PKP2: variants seen among roughly 807,000 people sequenced by gnomAD.
The protein encoded by PKP2 is plakophilin-2.
Under a neutral mutation model 83.4 loss-of-function variants are expected in PKP2, and 73 were observed. The observed-to-expected ratio is 0.88, with a 90% CI of 0.72 to 1.06. The LOEUF (loss-of-function observed/expected upper bound fraction) is 1.06. Ranked by LOEUF, PKP2 falls within the 50% of genes least tolerant of loss-of-function variation. The pLI is 0.00. For synonymous variants in PKP2, 409 were observed against 430.4 expected (o/e 0.95, Z 0.62); for missense variants, 966 against 1,065.4 (o/e 0.91, Z 1.30).
intron 4 of PKP2, among the ~76,000 whole-genome samples, chr12:32,855,794 A>AAAAAAAAAAAAAAAAAAAAAG (rs1459718298): frequency 3.4e-5 from 5 of 148,290 alleles, no homozygotes; most frequent in African/African-American, 1.3e-4. Flanking sequence ...AAAAAAAAAA[A>AAAAAAAAAAAAAAAAAAAAAG]AGGAAGAAAA....
At chr12:32,853,502 T>C (rs1012398570) in intron 4 of PKP2, among the ~76,000 whole-genome samples, 3 of 144,442 alleles carry the variant, frequency 2.1e-5, no homozygotes, top group Non-Finnish European at 3.0e-5. Context: ...TTAAGGTAAA[T>C]TCATACTTTT....
chr12:32,823,408 C>CAATGATTTGAAGTCAA (rs1956401865), intron 7 of PKP2, among the ~76,000 whole-genome samples: 1 of 122,374 alleles, frequency 8.2e-6, no homozygotes, highest in African/African-American at 3.3e-5. Flanking sequence ...GGTGATGAAG[C>CAATGATTTGAAGTCAA]TAGACTCTGC....
chr12:32,830,382 C>T (rs1026536728), intron 6 of PKP2, among the ~76,000 whole-genome samples: 3 of 152,172 alleles, frequency 2.0e-5, no homozygotes, highest in Non-Finnish European at 4.4e-5. Context: ...CAAAAGAAGG[C>T]TTGTCTGTTA....
rs140127475 is a variant in PKP2 at position 32,863,359 on chromosome 12, G to A, written c.1170+5568C>T. The A allele has an allele frequency of 2.0e-3, 522 of 257,312 alleles. 2 individuals are homozygous for A. Among genetic ancestry groups the A allele is most frequent in the African/African-American group, 0.011 (494 of 43,374 alleles). The allele number at this position is 257,312 out of a possible 1,614,324, so 15.9% of individuals were successfully genotyped here. ...GCATGAACACAGTGGCATGGTTTGT[G>A]CCAAATTCCGAAGCAATCTTCCTGC... is the stretch of plus-strand genomic sequence containing the variant. On this transcript the variant is annotated intron_variant, in intron 4 of 12. Coordinates refer to ENST00000340811, the MANE Select transcript of PKP2 (RefSeq NM_001005242.3).
intron 10 of PKP2, among the ~76,000 whole-genome samples, chr12:32,799,050 T>A (rs7975210): frequency 0.21 from 31,299 of 151,858 alleles, 3,898 homozygotes; most frequent in East Asian, 0.57. Flanking sequence ...TCTACAAGGA[T>A]CTCAAAAAAG....
Position 32,869,044 on chromosome 12 carries a change from C to A in PKP2, c.1053G>T (p.Met351Ile), listed in dbSNP as rs765200197. Reference protein sequence around the residue: ...DSQLGNADMEMTLERAVSMLE... With the variant: ...DSQLGNADMEITLERAVSMLE... ...GCATACTCACTGCTCGCTCCAGAGT[C>A]ATCTCCATGTCTGCATTCCTAGACA... The change falls in exon 4 of 13, where the codon ATG becomes ATT. Residue 351 changes from methionine to isoleucine, a missense_variant. By Grantham distance (10) the Met-to-Ile change is conservative. Coordinates refer to ENST00000340811, the MANE Select transcript of PKP2 (RefSeq NM_001005242.3). 6.2e-7 allele frequency: 1 copy of A among 1,614,012 alleles called. No individual in the cohort carries two copies. Among genetic ancestry groups the A allele is most frequent in the Non-Finnish European group, 8.5e-7 (1 of 1,180,036 alleles).
intron 4 of PKP2, among the ~76,000 whole-genome samples, chr12:32,858,064 CAAAAAAAA>C (rs777690496): frequency 5.3e-3 from 146 of 27,378 alleles, no homozygotes; most frequent in Middle Eastern, 0.023. Flanking sequence ...CCCATCTCTA[CAAAAAAAA>C]AAAAAAAAAA....
intron 10 of PKP2, among the ~76,000 whole-genome samples, chr12:32,798,468 G>A (rs1376028179): frequency 6.7e-6 from 1 of 148,546 alleles, no homozygotes; most frequent in African/African-American, 2.6e-5. Context: ...TATAAGTTTT[G>A]AGTTTGGCTT....
intron 1 of PKP2, among the ~76,000 whole-genome samples, chr12:32,880,037 T>C (rs1413185387): frequency 6.6e-6 from 1 of 151,330 alleles, no homozygotes; most frequent in East Asian, 1.9e-4. Flanking sequence ...ATTCGGAAGC[T>C]TCTTGTAATA....
In PKP2 at chr12:32,868,990, C is replaced by T. The variant is rs1365973280; in HGVS notation, c.1107G>A (p.Arg369=). ...GTATGAAAGTAGCTGCAGCAGAAAT[C>T]CTGGATGGCAGCATGTGGTCTGCCT... The part of the protein sequence containing the change: ...MLEADHMLPS[R]ISAAATFIQH... The change falls in exon 4 of 13, where the codon AGG becomes AGA. Residue 369 remains arginine, a synonymous_variant. Coordinates refer to ENST00000340811, the MANE Select transcript of PKP2 (RefSeq NM_001005242.3). The T allele has an allele frequency of 1.2e-6, 2 of 1,614,080 alleles. No individual in the cohort carries two copies. The highest frequency in any genetic ancestry group is 2.2e-5 in the South Asian group (2 of 91,082).
At chr12:32,823,422 CAAAAAAAAA>C (rs34680115) in intron 7 of PKP2, among the ~76,000 whole-genome samples, 6 of 84,190 alleles carry the variant, frequency 7.1e-5, no homozygotes, top group African/African-American at 2.8e-4. Flanking sequence ...ACTCTGCCTC[CAAAAAAAAA>C]AAAAAAAAAA....
intron 10 of PKP2, 78 bp downstream of exon 10, chr12:32,802,325 G>C (rs1050902886): frequency 2.1e-6 from 3 of 1,413,972 alleles, no homozygotes; most frequent in Non-Finnish European, 2.0e-6. Flanking sequence ...TTGTGAACGG[G>C]AGGTGATACA....
At chr12:32,840,936 A>G in intron 6 of PKP2, 92 bp downstream of exon 6, 1 of 901,490 alleles carries the variant, frequency 1.1e-6, no homozygotes, top group Non-Finnish European at 1.8e-6. Flanking sequence ...TGTAACTAGA[A>G]AAGAACCAAA....
chr12:32,848,668 G>A (rs1956670034), intron 5 of PKP2, among the ~76,000 whole-genome samples: 1 of 152,110 alleles, frequency 6.6e-6, no homozygotes, highest in South Asian at 2.1e-4. Flanking sequence ...ACGGGGGCAA[G>A]GGTTGAAAAA....
rs794729124 is a variant in PKP2 at position 32,868,964 on chromosome 12, TGTATGAAA to T, written c.1125_1132del (p.Phe376AlafsTer8). ...TTCAGATTTCTGGAAGCACTCGTGC[TGTATGAAA>T]GTAGCTGCAGCAGAAATCCTGGATG... On this transcript the variant is annotated frameshift_variant, in exon 4 of 13. Coordinates refer to ENST00000340811, the MANE Select transcript of PKP2 (RefSeq NM_001005242.3). LOFTEE classifies it high-confidence loss of function. 1 of 1,613,878 alleles carries T rather than the reference TGTATGAAA, an allele frequency of 6.2e-7. No individual in the cohort carries two copies. The highest frequency in any genetic ancestry group is 2.2e-5 in the East Asian group (1 of 44,890).
chr12:32,879,690 C>T (rs374333427), intron 1 of PKP2, among the ~76,000 whole-genome samples: 6 of 151,794 alleles, frequency 4.0e-5, no homozygotes, highest in South Asian at 4.2e-4. Flanking sequence ...ATTAGCTGTG[C>T]GTGGTGGCAG....
chr12:32,866,777 A>G (rs1956853047), intron 4 of PKP2, among the ~76,000 whole-genome samples: 1 of 152,102 alleles, frequency 6.6e-6, no homozygotes, highest in Non-Finnish European at 1.5e-5. Flanking sequence ...TAAAAAGTCA[A>G]ACATACACCT....
chr12:32,882,322 CGG>C lies in PKP2; in HGVS notation c.224-3292_224-3291del, dbSNP rs2137964205. On this transcript the variant is annotated intron_variant, in intron 1 of 12. Transcript: ENST00000340811. ...TAATTCCTGTTACTCTATAATAAAA[CGG>C]CAGGTGATGAAAGCAGGCAATTTTA... is the stretch of plus-strand genomic sequence containing the variant. Among the ~76,000 whole-genome samples the C allele has an allele frequency of 6.6e-5, 10 of 152,182 alleles. No individual in the cohort carries two copies. In the South Asian group the frequency reaches 2.1e-3, roughly 32 times the overall value.
Position 32,792,268 on chromosome 12 carries a change from A to C in PKP2, c.*156T>G. 1 of 701,664 alleles carries C rather than the reference A, an allele frequency of 1.4e-6. No individual in the cohort carries two copies. The highest frequency in any genetic ancestry group is 2.6e-6 in the Non-Finnish European group (1 of 384,924). The allele number at this position is 701,664 out of a possible 1,614,324, so 43.5% of individuals were successfully genotyped here. On this transcript the variant is annotated 3_prime_UTR_variant, in exon 13 of 13. Transcript: ENST00000340811. Reference sequence around the variant, plus strand: ...TGCAAAGGTCTTCTGGAAGACTCATAAAATTATGTTCTATTTGTTTTCTGG... The same window carrying C: ...TGCAAAGGTCTTCTGGAAGACTCATCAAATTATGTTCTATTTGTTTTCTGG...
Sources: allele counts gnomAD v4.1 joint callset (sites outside exome capture counted in the v4.1 genomes callset), GRCh38; gene constraint gnomAD v4.1.1; transcripts MANE v1.5; gene names NCBI Gene and HGNC (gene_info 2026-07-23, HGNC 2026-07-21).